The following IDO2 variants were observed in gnomAD, a reference collection of about 807,000 sequenced individuals.
IDO2 encodes the protein indoleamine 2,3-dioxygenase-like 1 protein.
In IDO2, 46 loss-of-function variants were observed where a neutral mutation model predicts 45.1. That is an observed-to-expected ratio of 1.02 (90% CI 0.80 to 1.30). The LOEUF (loss-of-function observed/expected upper bound fraction) is 1.30. Ranked by LOEUF, IDO2 falls within the 50% of genes most tolerant of loss-of-function variation. IDO2 has a pLI of 0.00. For synonymous variants in IDO2, 218 were observed against 184.9 expected (o/e 1.18, Z -1.45); for missense variants, 544 against 491.8 (o/e 1.11, Z -1.00).
At chr8:39,995,905 C>T (rs1315709583) in intron 8 of IDO2, among the ~76,000 whole-genome samples, 1 of 152,124 alleles carries the variant, frequency 6.6e-6, no homozygotes, top group Non-Finnish European at 1.5e-5. Context: ...AGATGCCTGT[C>T]ACCTAACGGA....
At chr8:39,983,782 C>T (rs143811220) in intron 5 of IDO2, among the ~76,000 whole-genome samples, 11 of 152,042 alleles carry the variant, frequency 7.2e-5, no homozygotes, top group Non-Finnish European at 1.3e-4. Flanking sequence ...AGGAGAATTG[C>T]TTGAACGAAG....
Position 39,973,844 on chromosome 8 carries a change from C to T in IDO2, c.196-5223C>T, listed in dbSNP as rs559446764. On this transcript the variant is annotated intron_variant, in intron 3 of 10. Coordinates refer to ENST00000502986, the Ensembl canonical transcript of IDO2. ...GCAACCTCCACTTCCCGGGTTCAAG[C>T]GATTCTCCTGCCTCAGCCTCCCGAG... Among the ~76,000 whole-genome samples, 19 of 151,548 alleles carry T rather than the reference C, an allele frequency of 1.3e-4. No individual in the cohort carries two copies. The East Asian group carries it at 1.9e-3, about 16-fold the overall frequency.
intron 2 of IDO2, among the ~76,000 whole-genome samples, chr8:39,953,232 G>T (rs1486902687): frequency 6.6e-6 from 1 of 152,142 alleles, no homozygotes; most frequent in Non-Finnish European, 1.5e-5. Context: ...TCCTGTAAAT[G>T]ACATGATGCA....
intron 1 of IDO2, among the ~76,000 whole-genome samples, chr8:39,947,694 C>G (rs141944571): frequency 6.6e-6 from 1 of 151,914 alleles, no homozygotes; most frequent in Non-Finnish European, 1.5e-5. Flanking sequence ...GTTTGGTGTA[C>G]TCTAGTGGCA....
At chr8:39,946,361 G>A (rs1422678900) in intron 1 of IDO2, among the ~76,000 whole-genome samples, 1 of 152,222 alleles carries the variant, frequency 6.6e-6, no homozygotes, top group Non-Finnish European at 1.5e-5. Context: ...TGTAATCCCA[G>A]CACTTTGGGA....
chr8:39,937,844 C>A (rs1807581012), intron 1 of IDO2, among the ~76,000 whole-genome samples: 1 of 152,024 alleles, frequency 6.6e-6, no homozygotes, highest in Non-Finnish European at 1.5e-5. Flanking sequence ...TTTAATGAGA[C>A]AACAAAGATC....
chr8:39,956,820 G>T (rs1004996976), intron 2 of IDO2, among the ~76,000 whole-genome samples: 2 of 152,016 alleles, frequency 1.3e-5, no homozygotes, highest in African/African-American at 4.8e-5. Context: ...GCTGAGGCGG[G>T]TGGATCACGA....
intron 1 of IDO2, among the ~76,000 whole-genome samples, chr8:39,941,562 A>G (rs1807643249): frequency 6.6e-6 from 1 of 152,186 alleles, no homozygotes; most frequent in Admixed American, 6.5e-5. Flanking sequence ...CAGACCCACA[A>G]GTAACATGGG....
intron 3 of IDO2, among the ~76,000 whole-genome samples, chr8:39,964,890 G>A (rs547493143): frequency 6.6e-6 from 1 of 152,328 alleles, no homozygotes; most frequent in East Asian, 1.9e-4. Context: ...CAGGACCCAT[G>A]TCAAGGATTT....
chr8:39,991,151 G>A (rs960497212), intron 8 of IDO2, among the ~76,000 whole-genome samples: 1 of 152,294 alleles, frequency 6.6e-6, no homozygotes, highest in Non-Finnish European at 1.5e-5. Context: ...CAGCCTCTCA[G>A]CACTAGTAGA....
At chr8:40,016,155 C>A in exon 11 of IDO2, 1 of 395,974 alleles carries the variant, frequency 2.5e-6, no homozygotes. Flanking sequence ...TTGGAAGTCA[C>A]TAGTGTGAAA....
chr8:40,006,285 A>G (rs886471930), intron 9 of IDO2, among the ~76,000 whole-genome samples: 7 of 152,236 alleles, frequency 4.6e-5, no homozygotes, highest in East Asian at 1.9e-4. Flanking sequence ...AAATTCCATA[A>G]CATATTCAAC....
chr8:39,959,832 A>G (rs1177417703), intron 2 of IDO2, among the ~76,000 whole-genome samples: 2 of 152,216 alleles, frequency 1.3e-5, no homozygotes, highest in Non-Finnish European at 2.9e-5. Flanking sequence ...AATAAAATAA[A>G]TAAATAAGTC....
chr8:40,013,857 T>C, intron 10 of IDO2, 144 bp downstream of exon 10: 1 of 613,602 alleles, frequency 1.6e-6, no homozygotes. Context: ...ACTGCATGAC[T>C]GCCAATGTTT....
intron 2 of IDO2, among the ~76,000 whole-genome samples, chr8:39,957,037 C>A (rs1807914265): frequency 3.8e-5 from 3 of 78,728 alleles, no homozygotes; most frequent in African/African-American, 5.3e-5. Context: ...AGTGAGACTC[C>A]ATCTCAAAAA....
At chr8:39,997,514 A>G (rs1802064205) in intron 8 of IDO2, among the ~76,000 whole-genome samples, 1 of 151,728 alleles carries the variant, frequency 6.6e-6, no homozygotes, top group African/African-American at 2.4e-5. Context: ...CTACAAAAAA[A>G]TACAAAAATT....
chr8:39,955,359 A>C (rs1439140919), intron 2 of IDO2, among the ~76,000 whole-genome samples: 1 of 142,814 alleles, frequency 7.0e-6, no homozygotes, highest in Non-Finnish European at 1.5e-5. Context: ...GGTTCAAGTG[A>C]TTCTCCTGCC....
At chr8:39,955,792 T>A (rs770186457) in intron 2 of IDO2, among the ~76,000 whole-genome samples, 4 of 152,200 alleles carry the variant, frequency 2.6e-5, no homozygotes, top group Non-Finnish European at 5.9e-5. Flanking sequence ...TGTAGTAGCT[T>A]GTCAAAATAC....
chr8:39,982,218 C>T (rs1055728009), intron 4 of IDO2, among the ~76,000 whole-genome samples: 3 of 117,930 alleles, frequency 2.5e-5, no homozygotes, highest in South Asian at 3.0e-4. Flanking sequence ...TATCTATCAT[C>T]TCTCTCTATA....
Sources: gnomAD v4.1 joint callset for allele counts (sites outside exome capture counted in the v4.1 genomes callset) on GRCh38, gnomAD v4.1.1 for gene constraint, MANE v1.5 for transcripts, NCBI Gene and HGNC (gene_info 2026-07-23, HGNC 2026-07-21) for gene names.